The following CEP164 variants were observed in gnomAD, a reference collection of about 807,000 sequenced individuals.
The protein encoded by CEP164 is centrosomal protein of 164 kDa.
A neutral mutation model predicts 182.7 loss-of-function variants in CEP164; 162 were observed. That is an observed-to-expected ratio of 0.89 (90% CI 0.78 to 1.01). The LOEUF (loss-of-function observed/expected upper bound fraction) is 1.01. Ranked by LOEUF, CEP164 falls within the 50% of genes least tolerant of loss-of-function variation. The pLI is 0.00. For synonymous variants in CEP164, 661 were observed against 690.0 expected (o/e 0.96, Z 0.66); for missense variants, 1,735 against 1,790.4 (o/e 0.97, Z 0.56).
intron 1 of CEP164, among the ~76,000 whole-genome samples, chr11:117,331,351 A>G (rs1591936392): frequency 6.6e-6 from 1 of 152,206 alleles, no homozygotes; most frequent in South Asian, 2.1e-4. Context: ...TTGGCTTACT[A>G]TTAGACCTTC....
upstream of CEP164, among the ~76,000 whole-genome samples, chr11:117,324,421 TG>T (rs1191101390): frequency 6.7e-6 from 1 of 149,230 alleles, no homozygotes; most frequent in East Asian, 1.9e-4. Context: ...CACTCCAGCC[TG>T]GGCAACAAAC....
At chr11:117,344,704 A>C (rs1015131597) in intron 4 of CEP164, among the ~76,000 whole-genome samples, 1 of 152,196 alleles carries the variant, frequency 6.6e-6, no homozygotes, top group South Asian at 2.1e-4. Flanking sequence ...AGGTGGGTGG[A>C]TTGCTTGAGG....
At chr11:117,381,553 A>G (rs2136135112) in intron 12 of CEP164, 148 bp from the exon 13 acceptor site, 3 of 960,014 alleles carry the variant, frequency 3.1e-6, no homozygotes, top group South Asian at 3.5e-5. Context: ...TTGCCCTGCT[A>G]TGGCTCTCCA....
chr11:117,375,577 G>A, intron 10 of CEP164, 131 bp from the exon 11 acceptor site: 1 of 686,070 alleles, frequency 1.5e-6, no homozygotes, highest in Non-Finnish European at 2.6e-6. Context: ...AGTAGATGTT[G>A]AAATGTTTGG....
chr11:117,395,532 T>C lies in CEP164; in HGVS notation c.2914-15T>C, dbSNP rs1369691169. 1.2e-6 allele frequency: 2 copies of C among 1,600,296 alleles called. No homozygotes were observed. The highest frequency in any genetic ancestry group is 2.3e-5 in the South Asian group (2 of 88,524). On this transcript the variant is annotated splice_polypyrimidine_tract_variant and intron_variant, in intron 23 of 32. Coordinates refer to ENST00000278935, the MANE Select transcript of CEP164 (RefSeq NM_014956.5). ...TGCTGTCTCTGGGTGCTTCTATCTTTCCTTTTGCCCCTAGGAAGCCACAGC... is the reference window on the plus strand; with the variant it reads ...TGCTGTCTCTGGGTGCTTCTATCTTCCCTTTTGCCCCTAGGAAGCCACAGC...
In CEP164 at chr11:117,407,255, C is replaced by A. The variant is rs191221625; in HGVS notation, c.3502-670C>A. Among the ~76,000 whole-genome samples the A allele has an allele frequency of 9.0e-4, 137 of 152,014 alleles. 1 individual carries two copies. Among genetic ancestry groups the A allele is most frequent in the Middle Eastern group, 6.8e-3 (2 of 292 alleles). Reference sequence around the variant, plus strand: ...AGGGTTATATACATGCTGCCCACGACCCTGTCATTGCTCTGCTTAACCCCT... The same window carrying A: ...AGGGTTATATACATGCTGCCCACGAACCTGTCATTGCTCTGCTTAACCCCT... On this transcript the variant is annotated intron_variant, in intron 27 of 32. Transcript: ENST00000278935.
chr11:117,352,711 T>A (rs1046769111), intron 5 of CEP164, among the ~76,000 whole-genome samples: 1 of 152,094 alleles, frequency 6.6e-6, no homozygotes, highest in African/African-American at 2.4e-5. Context: ...CTCAGCCTCC[T>A]GAGTAGTTGG....
Position 117,390,832 on chromosome 11 carries a change from G to C in CEP164, c.1990G>C (p.Glu664Gln), listed in dbSNP as rs769232987. 29 of 1,613,744 alleles carry C rather than the reference G, an allele frequency of 1.8e-5. No homozygotes were observed. Among genetic ancestry groups the C allele is most frequent in the Non-Finnish European group, 2.4e-5 (28 of 1,180,012 alleles). Reference protein sequence around the residue: ...AIEEEEARMREEESQRLSWLR... With the variant: ...AIEEEEARMRQEESQRLSWLR... ...TGAGGAGGAGGAGGCCCGGATGAGA[G>C]AGGAGGAAAGCCAGAGGCTATCCTG... The change falls in exon 16 of 33, where the codon GAG becomes CAG. Residue 664 changes from glutamate to glutamine, a missense_variant. Physicochemically the swap from Glu to Gln is conservative, Grantham distance 29 (BLOSUM62 2). Coordinates refer to ENST00000278935, the MANE Select transcript of CEP164 (RefSeq NM_014956.5).
chr11:117,367,679 CA>C, intron 8 of CEP164, among the ~76,000 whole-genome samples: 1 of 152,240 alleles, frequency 6.6e-6, no homozygotes, highest in South Asian at 2.1e-4. Flanking sequence ...ATTTTAAGTT[CA>C]GGGGTACCTG....
chr11:117,331,427 T>C (rs2036186951), intron 1 of CEP164, among the ~76,000 whole-genome samples: 2 of 76,506 alleles, frequency 2.6e-5, no homozygotes, highest in African/African-American at 1.0e-4. Context: ...TAAATTTGTG[T>C]AACTTTTCTG....
At chr11:117,404,978 A>G (rs1169912560) in intron 27 of CEP164, among the ~76,000 whole-genome samples, 3 of 152,174 alleles carry the variant, frequency 2.0e-5, no homozygotes, top group Non-Finnish European at 4.4e-5. Flanking sequence ...AGTAATGGCA[A>G]GCCTTAGTAA....
Position 117,402,943 on chromosome 11 carries a change from A to G in CEP164, c.3502-4982A>G, listed in dbSNP as rs113210045. Among the ~76,000 whole-genome samples the G allele has an allele frequency of 1.0e-3, 154 of 152,092 alleles. 1 individual carries two copies. The South Asian group carries it at 0.015, about 15-fold the overall frequency. On this transcript the variant is annotated intron_variant, in intron 27 of 32. Transcript: ENST00000278935. ...TGTAATGCCCTTCTTTGTCTTTTTT[A>G]ATCTTTGTTGGTTTAAAGTCTGTTT...
rs568692672 is a variant in CEP164 at position 117,338,297 on chromosome 11, G to A, written c.-21-269G>A. Among the ~76,000 whole-genome samples, 8 of 152,346 alleles carry A rather than the reference G, an allele frequency of 5.3e-5. No homozygotes were observed. In the East Asian group the frequency reaches 1.3e-3, roughly 26 times the overall value. On this transcript the variant is annotated intron_variant, in intron 2 of 32. Coordinates refer to ENST00000278935, the MANE Select transcript of CEP164 (RefSeq NM_014956.5). The stretch of plus-strand genomic sequence containing the variant: ...TTCTTCTATCTGGGGGAGGCACAAA[G>A]TCAAACTCTTGACAGAGCCAGGCTT...
At chr11:117,341,356 C>G (rs2038088131) in intron 3 of CEP164, among the ~76,000 whole-genome samples, 1 of 152,276 alleles carries the variant, frequency 6.6e-6, no homozygotes, top group African/African-American at 2.4e-5. Context: ...CCCCGCATCC[C>G]CAGTATACTC....
intron 11 of CEP164, among the ~76,000 whole-genome samples, chr11:117,377,619 T>C (rs538649117): frequency 6.6e-6 from 1 of 152,268 alleles, no homozygotes; most frequent in East Asian, 1.9e-4. Context: ...CTCTTGCCCA[T>C]TTTGCCGTAT....
chr11:117,325,741 A>G (rs1370519891), upstream of CEP164, among the ~76,000 whole-genome samples: 1 of 152,138 alleles, frequency 6.6e-6, no homozygotes, highest in East Asian at 1.9e-4. Flanking sequence ...ATTTACAGTA[A>G]GAATAAAGGA....
intron 4 of CEP164, among the ~76,000 whole-genome samples, chr11:117,351,192 C>T (rs1036784323): frequency 8.5e-5 from 13 of 152,100 alleles, no homozygotes; most frequent in Non-Finnish European, 1.2e-4. Flanking sequence ...ACCACCACCC[C>T]GGCTAATTTT....
In CEP164 at chr11:117,409,554, G is replaced by A. The variant is rs1177219260; in HGVS notation, c.3749-64G>A. 1 of 1,451,056 alleles carries A rather than the reference G, an allele frequency of 6.9e-7. No homozygotes were observed. The highest frequency in any genetic ancestry group is 1.4e-5 in the African/African-American group (1 of 71,820). 89.9% of individuals were successfully genotyped at this position (1,451,056 alleles called of 1,614,324 possible). On this transcript the variant is annotated intron_variant, in intron 29 of 32. Coordinates refer to ENST00000278935, the MANE Select transcript of CEP164 (RefSeq NM_014956.5). This position sits in a 1 kb window ranked among gnomAD's most constrained non-coding sequence, Gnocchi z 4.4. ...CAGTAGGGTCCTCCATGACAGCTGT[G>A]TCTGGGAATGGTCCAGGGTCCTGAG...
In CEP164 at chr11:117,409,993, C is replaced by CCA. The variant is rs2047153370; in HGVS notation, c.4096+30_4096+31dup. 6.3e-7 allele frequency: 1 copy of CCA among 1,583,358 alleles called. No individual in the cohort carries two copies. The highest frequency in any genetic ancestry group is 8.7e-7 in the Non-Finnish European group (1 of 1,153,980). On this transcript the variant is annotated intron_variant, in intron 30 of 32. Coordinates refer to ENST00000278935, the MANE Select transcript of CEP164 (RefSeq NM_014956.5). The surrounding 1 kb of genome is among the most constrained non-coding windows in gnomAD (Gnocchi z 4.4). ...AAGCCCCACTCTGGGCGGAGCCTTC[C>CCA]CACCTGCCTCCTCCTCCTCCTCTTC...
Sources: gnomAD v4.1 joint callset for allele counts (sites outside exome capture counted in the v4.1 genomes callset) on GRCh38, gnomAD v4.1.1 for gene constraint, Gnocchi (gnomAD v3.1) non-coding constraint, MANE v1.5 for transcripts, NCBI Gene and HGNC (gene_info 2026-07-23, HGNC 2026-07-21) for gene names.